Variants in TBL1Y observed in about 807,000 individuals in gnomAD.
TBL1Y encodes F-box-like/WD repeat-containing protein TBL1Y.
Under a neutral mutation model 12.0 loss-of-function variants are expected in TBL1Y, and 15 were observed. The ratio of observed to expected loss-of-function variants is 1.25; its 90% confidence interval spans 0.83 to 1.92. The LOEUF is 1.92. Ranked by LOEUF, TBL1Y falls within the 40% of genes most tolerant of loss-of-function variation. The pLI, the probability that TBL1Y is intolerant of heterozygous loss-of-function variation, is 0.00. For missense variants in TBL1Y, 148 were observed against 116.7 expected, an observed-to-expected ratio of 1.27 and a Z score of -1.24; for synonymous variants, 53 against 42.6, an observed-to-expected ratio of 1.24 and a Z score of -0.95.
intron 2 of TBL1Y, among the ~76,000 whole-genome samples, chrY:6,946,519 C>T (rs111850014): frequency 9.0e-5 from 3 of 33,275 alleles, no homozygotes; most frequent in African/African-American, 3.5e-4. Context: ...AGTGCAATGG[C>T]GTGATCTTGG....
In TBL1Y at chrY:7,075,149, G is replaced by T. The variant is rs2013054196; in HGVS notation, c.955+529G>T. 1.5e-4 allele frequency among the ~76,000 whole-genome samples: 5 copies of T among 33,168 alleles called. No homozygotes were observed. In the East Asian group the frequency reaches 4.1e-3, roughly 27 times the overall value. The allele number at this position is 33,168 out of a possible 37,273, so 89.0% of individuals were successfully genotyped here. A position where few individuals can be genotyped will look rare whatever the true frequency, so the allele number is the denominator to read the frequency against. Reference sequence around the variant, plus strand: ...AACCTCCAGGACTGTCCAAGATGGCGTAGCCCATCTCAGTGCCTGGGGAGG... The same window carrying T: ...AACCTCCAGGACTGTCCAAGATGGCTTAGCCCATCTCAGTGCCTGGGGAGG... On this transcript the variant is annotated intron_variant, in intron 13 of 18. Transcript: ENST00000383032.
intron 3 of TBL1Y, among the ~76,000 whole-genome samples, chrY:6,983,679 G>A (rs190126356): frequency 1.5e-4 from 5 of 33,558 alleles, no homozygotes; most frequent in African/African-American, 5.8e-4. Flanking sequence ...TCTTTGTTAT[G>A]TGTTTTCCTC....
chrY:7,090,440 G>C, intron 18 of TBL1Y, among the ~76,000 whole-genome samples: 1 of 34,202 alleles, frequency 2.9e-5, no homozygotes, highest in African/African-American at 1.1e-4. Flanking sequence ...TAAATTGGTG[G>C]TTCTCAACCA....
At chrY:7,063,213 A>C in intron 7 of TBL1Y, among the ~76,000 whole-genome samples, 1 of 33,573 alleles carries the variant, frequency 3.0e-5, no homozygotes, top group East Asian at 7.9e-4. Context: ...TTGGTGCCGC[A>C]AAAGAAATAG....
intron 6 of TBL1Y, 124 bp from the exon 7 acceptor site, chrY:7,042,856 G>T: frequency 2.6e-6 from 1 of 381,528 alleles, no homozygotes; most frequent in Non-Finnish European, 3.7e-6. Flanking sequence ...GCATCCTACA[G>T]TGCTGTCTTA....
intron 8 of TBL1Y, among the ~76,000 whole-genome samples, chrY:7,065,169 C>A: frequency 3.0e-5 from 1 of 33,192 alleles, no homozygotes; most frequent in Non-Finnish European, 7.4e-5. Flanking sequence ...GCATCCCCAC[C>A]CAAATCTCTA....
chrY:6,952,075 C>T (rs2012032171), intron 2 of TBL1Y, among the ~76,000 whole-genome samples: 2 of 32,577 alleles, frequency 6.1e-5, no homozygotes, highest in Non-Finnish European at 1.5e-4. Flanking sequence ...TTACATTTGC[C>T]GAGGAGTGCT....
intron 2 of TBL1Y, among the ~76,000 whole-genome samples, chrY:6,944,799 C>T (rs924759700): frequency 3.0e-5 from 1 of 33,649 alleles, no homozygotes; most frequent in Non-Finnish European, 7.4e-5. Flanking sequence ...TATTCCTCTG[C>T]GGATGGTTAC....
At chrY:7,023,807 A>G (rs753804581) in intron 5 of TBL1Y, among the ~76,000 whole-genome samples, 2 of 32,851 alleles carry the variant, frequency 6.1e-5, no homozygotes, top group Non-Finnish European at 1.5e-4. Flanking sequence ...TTACACAGGT[A>G]AACATGTGCC....
chrY:7,003,826 G>A, intron 4 of TBL1Y, among the ~76,000 whole-genome samples: 1 of 32,649 alleles, frequency 3.1e-5, no homozygotes, highest in African/African-American at 1.2e-4. Context: ...ATGGGGCTTA[G>A]ACTAAGACGT....
intron 7 of TBL1Y, among the ~76,000 whole-genome samples, chrY:7,044,637 CT>C (rs2012748312): frequency 6.1e-5 from 2 of 32,710 alleles, no homozygotes; most frequent in Non-Finnish European, 1.5e-4. Flanking sequence ...TTCTTCTTTC[CT>C]TTTTTTGTGG....
chrY:6,923,756 A>G, intron 2 of TBL1Y, among the ~76,000 whole-genome samples: 1 of 32,560 alleles, frequency 3.1e-5, no homozygotes, highest in Non-Finnish European at 7.5e-5. Flanking sequence ...TGACCTAGTG[A>G]TCCACCCCCC....
intron 4 of TBL1Y, among the ~76,000 whole-genome samples, chrY:7,015,221 C>T (rs758577303): frequency 5.9e-5 from 2 of 33,632 alleles, no homozygotes; most frequent in Admixed American, 5.4e-4. Flanking sequence ...TTTAGAATTT[C>T]AGCATATGGA....
intron 2 of TBL1Y, among the ~76,000 whole-genome samples, chrY:6,962,388 C>T (rs2012134011): frequency 3.0e-5 from 1 of 33,291 alleles, no homozygotes; most frequent in Non-Finnish European, 7.4e-5. Context: ...ATTTCTTTTT[C>T]TTATAGTTTA....
intron 7 of TBL1Y, among the ~76,000 whole-genome samples, chrY:7,063,525 CGGAATGAGTCAGGATGGAGTAGGT>C (rs2012910259): frequency 3.1e-4 from 10 of 32,256 alleles, no homozygotes; most frequent in African/African-American, 8.6e-4. Flanking sequence ...AGTAGGTAAT[CGGAATGAGTCAGGATGGAGTAGGT>C]AATCGGAATG....
chrY:6,997,024 A>G lies in TBL1Y; in HGVS notation c.-140+1126A>G. Among the ~76,000 whole-genome samples the G allele has an allele frequency of 1.2e-4, 4 of 33,940 alleles. No homozygotes were observed. In the East Asian group the frequency reaches 3.1e-3, roughly 26 times the overall value. 91.1% of individuals were successfully genotyped at this position (33,940 alleles called of 37,273 possible). A position where few individuals can be genotyped will look rare whatever the true frequency, so the allele number is the denominator to read the frequency against. On this transcript the variant is annotated intron_variant, in intron 4 of 18. Transcript: ENST00000383032. ...TTAAATTCTGTTAGATAAGGTAAAT[A>G]CCAGTAGTTTAAAGCCACAAAGGAT...
At chrY:7,044,719 C>T in intron 7 of TBL1Y, among the ~76,000 whole-genome samples, 2 of 33,038 alleles carry the variant, frequency 6.1e-5, no homozygotes, top group Non-Finnish European at 1.5e-4. Context: ...AATCATAACT[C>T]ACCACAGCCT....
intron 7 of TBL1Y, among the ~76,000 whole-genome samples, chrY:7,055,373 C>T: frequency 3.0e-5 from 1 of 33,437 alleles, no homozygotes; most frequent in African/African-American, 1.2e-4. Flanking sequence ...GAGAAACCTT[C>T]ATAGCTTCCA....
intron 8 of TBL1Y, among the ~76,000 whole-genome samples, chrY:7,064,528 G>C (rs935496403): frequency 5.9e-4 from 20 of 33,639 alleles, no homozygotes; most frequent in African/African-American, 2.3e-3. Flanking sequence ...TTGAGTTCAT[G>C]GTTCCTGCCG....
Sources: allele counts gnomAD v4.1 joint callset (sites outside exome capture counted in the v4.1 genomes callset), GRCh38; gene constraint gnomAD v4.1.1; transcripts MANE v1.5; gene names NCBI Gene and HGNC (gene_info 2026-07-23, HGNC 2026-07-21).